The following CCDC91 variants were observed in gnomAD, a reference collection of about 807,000 sequenced individuals.
CCDC91 encodes the protein coiled-coil domain containing 91.
A neutral mutation model predicts 63.2 loss-of-function variants in CCDC91; 48 were observed. That is an observed-to-expected ratio of 0.76 (90% CI 0.60 to 0.97). The LOEUF (loss-of-function observed/expected upper bound fraction) is 0.97, where lower values mean the gene tolerates loss of function less well. CCDC91 is among the 50% of genes least tolerant of loss of function. The probability of loss-of-function intolerance (pLI) is 0.00; values close to 1 mark genes in which losing one functional copy is unlikely to be tolerated. For synonymous variants in CCDC91, 167 were observed against 165.8 expected (o/e 1.01, Z -0.06); for missense variants, 500 against 494.6 (o/e 1.01, Z -0.10).
intron 1 of CCDC91, among the ~76,000 whole-genome samples, chr12:28,241,533 A>T (rs1310531542): frequency 5.3e-5 from 8 of 152,134 alleles, no homozygotes; most frequent in Non-Finnish European, 1.5e-5. Flanking sequence ...TCTCTCAGGT[A>T]ATCTAATCTG....
intron 1 of CCDC91, among the ~76,000 whole-genome samples, chr12:28,215,316 T>C (rs542889579): frequency 6.6e-6 from 1 of 152,310 alleles, no homozygotes; most frequent in South Asian, 2.1e-4. Context: ...TCTATAATCT[T>C]GTGAGCCAAT....
At chr12:28,408,990 T>C (rs943548657) in intron 8 of CCDC91, among the ~76,000 whole-genome samples, 2 of 152,158 alleles carry the variant, frequency 1.3e-5, no homozygotes, top group African/African-American at 4.8e-5. Flanking sequence ...TTTAGCAGCA[T>C]TTTTTGTAGG....
intron 8 of CCDC91, among the ~76,000 whole-genome samples, chr12:28,438,392 C>T (rs1473916203): frequency 6.6e-6 from 1 of 152,082 alleles, no homozygotes; most frequent in Non-Finnish European, 1.5e-5. Context: ...CATGGACCAT[C>T]TTTGAAGCAG....
intron 1 of CCDC91, among the ~76,000 whole-genome samples, chr12:28,208,505 T>C (rs561091027): frequency 6.6e-6 from 1 of 152,310 alleles, no homozygotes; most frequent in Non-Finnish European, 1.5e-5. Flanking sequence ...GTCTCTTAAA[T>C]GCTTCAGGGG....
intron 8 of CCDC91, among the ~76,000 whole-genome samples, chr12:28,392,745 C>T (rs1048242917): frequency 1.3e-5 from 2 of 152,186 alleles, no homozygotes; most frequent in Non-Finnish European, 2.9e-5. Context: ...TCTAAAAGTT[C>T]CATTCAGCCA....
intron 8 of CCDC91, among the ~76,000 whole-genome samples, chr12:28,435,787 G>A (rs1352824678): frequency 6.6e-6 from 1 of 151,606 alleles, no homozygotes; most frequent in East Asian, 1.9e-4. Context: ...TGATACTTTG[G>A]TTGTGGGTGA....
chr12:28,473,974 TTG>T lies in CCDC91; in HGVS notation c.1102-10057_1102-10056del, dbSNP rs142414549. 2.8e-3 allele frequency among the ~76,000 whole-genome samples: 421 copies of T among 149,478 alleles called. 1 individual carries two copies. Among genetic ancestry groups the T allele is most frequent in the East Asian group, 7.9e-3 (40 of 5,076 alleles). On this transcript the variant is annotated intron_variant, in intron 11 of 12. Coordinates refer to ENST00000536442, the MANE Select transcript of CCDC91 (RefSeq NM_018318.5). ...TTTTAGTTGTAGTGTGCATGTGTGT[TTG>T]TGTGTGTGTGTGTGTGTGTGCACGT... is the stretch of plus-strand genomic sequence containing the variant.
chr12:28,368,210 C>T (rs148776136), intron 7 of CCDC91, among the ~76,000 whole-genome samples: 30 of 152,124 alleles, frequency 2.0e-4, no homozygotes, highest in African/African-American at 5.8e-4. Context: ...ATATGATAGA[C>T]GTTTCATCAG....
chr12:28,531,636 C>G (rs1941740365), intron 12 of CCDC91, among the ~76,000 whole-genome samples: 2 of 152,044 alleles, frequency 1.3e-5, no homozygotes, highest in Admixed American at 6.6e-5. Context: ...TTTTTGATGG[C>G]AGAATATCAT....
At chr12:28,284,694 T>C (rs962835918) in intron 3 of CCDC91, among the ~76,000 whole-genome samples, 1 of 151,946 alleles carries the variant, frequency 6.6e-6, no homozygotes, top group African/African-American at 2.4e-5. Context: ...TGTTAGCCAG[T>C]CCTTCTCCAT....
chr12:28,491,962 G>GGTGTGT (rs56946212), intron 12 of CCDC91, among the ~76,000 whole-genome samples: 12 of 146,786 alleles, frequency 8.2e-5, no homozygotes, highest in Non-Finnish European at 1.7e-4. Flanking sequence ...AAGGTGTTGG[G>GGTGTGT]GTGTGTGTGT....
chr12:28,372,933 T>G (rs116033528), intron 7 of CCDC91, among the ~76,000 whole-genome samples: 3 of 152,304 alleles, frequency 2.0e-5, no homozygotes, highest in African/African-American at 4.8e-5. Flanking sequence ...TAATTTCAAA[T>G]TTTTCCCATT....
At chr12:28,226,114 ATTTTGGAAT>A (rs1006375110) in intron 1 of CCDC91, 1 of 152,134 alleles carries the variant, frequency 6.6e-6, no homozygotes, top group Admixed American at 6.5e-5. Flanking sequence ...AACCAGTTTT[ATTTTGGAAT>A]TTTCTGTTAC....
chr12:28,316,945 C>T (rs1174686567), intron 6 of CCDC91, among the ~76,000 whole-genome samples: 2 of 151,742 alleles, frequency 1.3e-5, no homozygotes, highest in Non-Finnish European at 2.9e-5. Context: ...GTTTTTTGGG[C>T]CCACTGACTC....
intron 1 of CCDC91, among the ~76,000 whole-genome samples, chr12:28,238,470 G>A (rs1252913087): frequency 6.6e-6 from 1 of 152,112 alleles, no homozygotes; most frequent in East Asian, 1.9e-4. Flanking sequence ...TTTGCTGGTA[G>A]AAATGTGAGT....
At chr12:28,272,794 T>G (rs1394167727) in intron 3 of CCDC91, among the ~76,000 whole-genome samples, 6 of 152,090 alleles carry the variant, frequency 3.9e-5, no homozygotes, top group Admixed American at 3.9e-4. Context: ...TAATATATGC[T>G]TATGGCCTAA....
chr12:28,368,629 AT>A, intron 7 of CCDC91, among the ~76,000 whole-genome samples: 1 of 152,184 alleles, frequency 6.6e-6, no homozygotes. Context: ...TTTTTTGGAT[AT>A]TTTGTTAGTT....
chr12:28,420,151 C>T (rs1947915159), intron 8 of CCDC91, among the ~76,000 whole-genome samples: 2 of 152,016 alleles, frequency 1.3e-5, no homozygotes, highest in Admixed American at 1.3e-4. Flanking sequence ...ATCACATAAC[C>T]AGTAACTAAT....
At chr12:28,511,649 T>C (rs1322514743) in intron 12 of CCDC91, among the ~76,000 whole-genome samples, 2 of 151,900 alleles carry the variant, frequency 1.3e-5, no homozygotes, top group East Asian at 3.9e-4. Context: ...CAAGGATTCC[T>C]CTTGCCAAAA....
Sources: allele counts gnomAD v4.1 joint callset (sites outside exome capture counted in the v4.1 genomes callset), GRCh38; gene constraint gnomAD v4.1.1; transcripts MANE v1.5; gene names NCBI Gene and HGNC (gene_info 2026-07-23, HGNC 2026-07-21).